EXD3: variants seen among roughly 807,000 people sequenced by gnomAD.
EXD3 encodes the protein exonuclease 3'-5' domain containing 3, also known as exonuclease mut-7 homolog.
EXD3 carries 92 observed loss-of-function variants against 98.0 expected under a neutral mutation model. That is an observed-to-expected ratio of 0.94 (90% CI 0.79 to 1.12). The LOEUF (loss-of-function observed/expected upper bound fraction) is 1.12. EXD3 is among the 50% of genes most tolerant of loss of function. EXD3 has a pLI of 0.00. For missense variants in EXD3, 1,222 were observed against 1,191.6 expected, an observed-to-expected ratio of 1.03 and a Z score of -0.38; for synonymous variants, 569 against 526.0, an observed-to-expected ratio of 1.08 and a Z score of -1.12.
At chr9:137,351,957 C>T (rs1356915747) in intron 12 of EXD3, 109 bp downstream of exon 12, 28 of 1,406,836 alleles carry the variant, frequency 2.0e-5, no homozygotes, top group Non-Finnish European at 2.4e-5. Flanking sequence ...CTGGCGGGCT[C>T]ATGCCCAGAG....
intron 17 of EXD3, among the ~76,000 whole-genome samples, chr9:137,328,738 G>A (rs1400527354): frequency 2.7e-5 from 1 of 36,788 alleles, no homozygotes; most frequent in Admixed American, 2.3e-4. Flanking sequence ...GGGACTACAC[G>A]GGGCTACACG....
rs908581015 is a variant in EXD3 at position 137,407,207 on chromosome 9, C to T, written c.-47-11803G>A. Reference sequence around the variant, plus strand: ...GGCAGCGCCTCCTCCGTCTCAGCCGCGTCGGTCCCAGGCGCCTCCCCTACC... The same window carrying T: ...GGCAGCGCCTCCTCCGTCTCAGCCGTGTCGGTCCCAGGCGCCTCCCCTACC... On this transcript the variant is annotated intron_variant, in intron 1 of 21. Transcript: ENST00000340951. The surrounding 1 kb of genome is among the most constrained non-coding windows in gnomAD (Gnocchi z 4.4). Among the ~76,000 whole-genome samples the T allele has an allele frequency of 6.6e-6, 1 of 152,164 alleles. No homozygotes were observed. Among genetic ancestry groups the T allele is most frequent in the Admixed American group, 6.5e-5 (1 of 15,292 alleles).
At chr9:137,327,793 C>T (rs550968981) in intron 17 of EXD3, among the ~76,000 whole-genome samples, 1 of 150,808 alleles carries the variant, frequency 6.6e-6, no homozygotes, top group Non-Finnish European at 1.5e-5. Flanking sequence ...AACAAATATA[C>T]ACCCACATGA....
intron 17 of EXD3, among the ~76,000 whole-genome samples, chr9:137,330,163 T>C (rs939876311): frequency 1.7e-5 from 2 of 118,064 alleles, no homozygotes; most frequent in African/African-American, 3.6e-5. Flanking sequence ...TACACAGGAC[T>C]ACACCGGAGC....
At position 137,395,233 on chromosome 9, in the gene EXD3, CCCCCATGCACA is replaced by C; in HGVS notation, c.55+59_55+69del. 1 of 1,371,818 alleles carries C rather than the reference CCCCCATGCACA, an allele frequency of 7.3e-7. No homozygotes were observed. The highest frequency in any genetic ancestry group is 1.0e-6 in the Non-Finnish European group (1 of 962,006). The allele number at this position is 1,371,818 out of a possible 1,614,324, so 85.0% of individuals were successfully genotyped here. On this transcript the variant is annotated intron_variant, in intron 2 of 21. Transcript: ENST00000340951. The surrounding 1 kb of genome is among the most constrained non-coding windows in gnomAD (Gnocchi z 6.5). ...CTGAGTACACAGTGGGCGCCACCACCCCCCATGCACACCCACGCACCTCCCCCCACAGCCCC... is the reference window on the plus strand; with the variant it reads ...CTGAGTACACAGTGGGCGCCACCACCCCCACGCACCTCCCCCCACAGCCCC...
intron 19 of EXD3, among the ~76,000 whole-genome samples, chr9:137,318,772 G>A (rs574796753): frequency 1.6e-4 from 24 of 152,236 alleles, no homozygotes; most frequent in Non-Finnish European, 8.8e-5. Flanking sequence ...CCAGAAAGCC[G>A]GCACCAGCAA....
At chr9:137,344,037 G>A (rs1389437214) in intron 17 of EXD3, among the ~76,000 whole-genome samples, 1 of 150,886 alleles carries the variant, frequency 6.6e-6, no homozygotes, top group Non-Finnish European at 1.5e-5. Flanking sequence ...GACTACAGGT[G>A]CCCGCCACCA....
At chr9:137,332,612 G>C (rs951879550) in intron 17 of EXD3, among the ~76,000 whole-genome samples, 1 of 151,996 alleles carries the variant, frequency 6.6e-6, no homozygotes, top group Non-Finnish European at 1.5e-5. Flanking sequence ...GGGAGGCCAA[G>C]GCGGGCAGAT....
At chr9:137,398,942 G>A (rs114785753) in intron 1 of EXD3, among the ~76,000 whole-genome samples, 4,507 of 149,504 alleles carry the variant, frequency 0.03, 197 homozygotes, top group African/African-American at 0.094. Flanking sequence ...ATGTGCACCC[G>A]CGTCCCCAAG....
chr9:137,412,727 CTG>C (rs1838058542), intron 1 of EXD3, among the ~76,000 whole-genome samples: 2 of 152,240 alleles, frequency 1.3e-5, no homozygotes, highest in African/African-American at 4.8e-5. Flanking sequence ...GACTCACACA[CTG>C]TGTCCACTGG....
intron 20 of EXD3, among the ~76,000 whole-genome samples, chr9:137,308,755 G>A (rs1229143978): frequency 2.0e-5 from 3 of 151,042 alleles, no homozygotes; most frequent in African/African-American, 7.3e-5. Context: ...TCCTGCCTCA[G>A]CCTCCCAAGT....
chr9:137,358,296 A>T (rs959430045), intron 7 of EXD3, among the ~76,000 whole-genome samples: 2 of 152,160 alleles, frequency 1.3e-5, no homozygotes, highest in African/African-American at 4.8e-5. Flanking sequence ...TGGGCTGAGA[A>T]GCGTCTGTGC....
chr9:137,309,637 T>A lies in EXD3; in HGVS notation c.2248A>T (p.Ser750Cys), dbSNP rs1489281737. ...RDMMKQLMWL[S>C]SHQEGPRSSG... Reference sequence around the variant, plus strand: ...CTCCTGGGCCCCTCCTGGTGACTGCTGAGCCACATGAGCTGCTTCATCATG... The same window carrying A: ...CTCCTGGGCCCCTCCTGGTGACTGCAGAGCCACATGAGCTGCTTCATCATG... The change falls in exon 20 of 22, where the codon AGC becomes TGC. Residue 750 changes from serine to cysteine, a missense_variant. By Grantham distance (112) the Ser-to-Cys change is moderately radical. Transcript: ENST00000340951. The A allele has an allele frequency of 3.8e-6, 6 of 1,562,918 alleles. No homozygotes were observed. In the East Asian group the frequency reaches 1.4e-4, roughly 37 times the overall value.
At position 137,327,280 on chromosome 9, in the gene EXD3, C is replaced by T. The variant is rs142614507; in HGVS notation, c.1999-3137G>A. 2.8e-3 allele frequency among the ~76,000 whole-genome samples: 433 copies of T among 152,172 alleles called. 2 individuals are homozygous for T. The highest frequency in any genetic ancestry group is 4.4e-3 in the Non-Finnish European group (300 of 67,996). ...TCCTGAGTAGCTGGGACTATAGGCGCCCTCCACCACGGCCCGCTGATATTT... is the reference window on the plus strand; with the variant it reads ...TCCTGAGTAGCTGGGACTATAGGCGTCCTCCACCACGGCCCGCTGATATTT... On this transcript the variant is annotated intron_variant, in intron 17 of 21. Coordinates refer to ENST00000340951, the MANE Select transcript of EXD3 (RefSeq NM_017820.5).
rs1010030226 is a variant in EXD3, at chr9:137,385,826, G to A, written c.56-2449C>T. ...TGGGATGACAGGCGTGAGCCACCGC[G>A]CCCAGCCCAGATTTTCTTTTAAAGC... On this transcript the variant is annotated intron_variant, in intron 2 of 21. Transcript: ENST00000340951. This position sits in a 1 kb window ranked among gnomAD's most constrained non-coding sequence, Gnocchi z 4.4. Among the ~76,000 whole-genome samples the A allele has an allele frequency of 5.3e-5, 8 of 151,646 alleles. No homozygotes were observed. The highest frequency in any genetic ancestry group is 2.0e-4 in the East Asian group (1 of 5,126).
rs1835567422 is a variant in EXD3 at position 137,371,036 on chromosome 9, C to G, written c.462+1869G>C. On this transcript the variant is annotated intron_variant, in intron 5 of 21. Coordinates refer to ENST00000340951, the MANE Select transcript of EXD3 (RefSeq NM_017820.5). The surrounding 1 kb of genome is among the most constrained non-coding windows in gnomAD (Gnocchi z 8.0). ...TGAGCAGTGGAGCATGCATCGCCTG[C>G]CGGGCGGCCCCGCTCGGGGACAATG... Among the ~76,000 whole-genome samples the G allele has an allele frequency of 6.6e-6, 1 of 152,174 alleles. No individual in the cohort carries two copies. Among genetic ancestry groups the G allele is most frequent in the Non-Finnish European group, 1.5e-5 (1 of 68,026 alleles).
chr9:137,394,567 C>T (rs1394263212), intron 2 of EXD3, among the ~76,000 whole-genome samples: 2 of 151,870 alleles, frequency 1.3e-5, no homozygotes, highest in African/African-American at 2.4e-5. Context: ...CTAATCCCGG[C>T]CTTCCAGCCT....
intron 19 of EXD3, among the ~76,000 whole-genome samples, chr9:137,318,308 G>C (rs115480049): frequency 0.025 from 3,742 of 152,224 alleles, 150 homozygotes; most frequent in African/African-American, 0.086. Flanking sequence ...CATGAGCTGG[G>C]CCCCGGCTGC....
At chr9:137,401,087 GC>G (rs1377655068) in intron 1 of EXD3, among the ~76,000 whole-genome samples, 6 of 151,720 alleles carry the variant, frequency 4.0e-5, no homozygotes, top group African/African-American at 1.5e-4. Context: ...ACAGTGGCCT[GC>G]TTCTCACAGT....
Sources: allele counts gnomAD v4.1 joint callset (sites outside exome capture counted in the v4.1 genomes callset), GRCh38; gene constraint gnomAD v4.1.1; non-coding constraint Gnocchi (gnomAD v3.1); transcripts MANE v1.5; gene names NCBI Gene and HGNC (gene_info 2026-07-23, HGNC 2026-07-21).